FILIP1: variants seen among roughly 807,000 people sequenced by gnomAD.
The protein encoded by FILIP1 is filamin-A-interacting protein 1.
FILIP1 carries 61 observed loss-of-function variants against 102.1 expected under a neutral mutation model. The observed-to-expected ratio is 0.60, with a 90% CI of 0.49 to 0.74. The LOEUF is 0.74. Ranked by LOEUF, FILIP1 falls within the 30% of genes least tolerant of loss-of-function variation. The probability of loss-of-function intolerance (pLI) is 0.00; values close to 1 mark genes in which losing one functional copy is unlikely to be tolerated. For synonymous variants in FILIP1, 491 were observed against 526.9 expected, an observed-to-expected ratio of 0.93 and a Z score of 0.93; for missense variants, 1,314 against 1,441.2, an observed-to-expected ratio of 0.91 and a Z score of 1.43.
At chr6:75,307,033 C>T (rs1448428861), downstream of FILIP1, among the ~76,000 whole-genome samples, 1 of 152,134 alleles carries the variant, frequency 6.6e-6, no homozygotes, top group African/African-American at 2.4e-5. Flanking sequence ...GAACTCCTGG[C>T]CTCAAGTGAT....
At chr6:75,345,968 T>C (rs933413626) in intron 4 of FILIP1, among the ~76,000 whole-genome samples, 10 of 152,176 alleles carry the variant, frequency 6.6e-5, no homozygotes, top group Non-Finnish European at 1.3e-4. Flanking sequence ...CCAAAATATA[T>C]GGAATCTAAT....
At chr6:75,302,418 T>G (rs1772863274) in intron 6 of FILIP1, among the ~76,000 whole-genome samples, 1 of 152,154 alleles carries the variant, frequency 6.6e-6, no homozygotes. Flanking sequence ...AGCTTCTAGT[T>G]TTGTTTATCT....
Position 75,353,545 on chromosome 6 carries a change from C to T in FILIP1, c.623G>A (p.Arg208Gln), listed in dbSNP as rs748228535. 8.1e-6 allele frequency: 13 copies of T among 1,614,094 alleles called. No homozygotes were observed. Among genetic ancestry groups the T allele is most frequent in the East Asian group, 2.2e-5 (1 of 44,882 alleles). ...TGGTGTGTGTGCACATTACCTCTCC[C>T]GCTCCTGCTCCAGCAGGTTGGTGAA... ...DDFTNLLEQE[R>Q]ERLKKLLEQE... Residue 208 changes from arginine (R) to glutamine (Q), a missense_variant, in exon 4 of 6, where the codon CGG (arginine) becomes CAG (glutamine). Arg to Gln is a conservative substitution (Grantham distance 43). Transcript: ENST00000237172.
At chr6:75,422,467 T>C (rs1288301849) in intron 1 of FILIP1, among the ~76,000 whole-genome samples, 1 of 152,088 alleles carries the variant, frequency 6.6e-6, no homozygotes, top group Non-Finnish European at 1.5e-5. Flanking sequence ...GTCTGGAAAA[T>C]TACCAGACTC....
At chr6:75,410,469 T>C (rs1414819737) in intron 2 of FILIP1, among the ~76,000 whole-genome samples, 2 of 152,122 alleles carry the variant, frequency 1.3e-5, no homozygotes, top group African/African-American at 4.8e-5. Flanking sequence ...TACATAGGTA[T>C]ACATGTGCCA....
chr6:75,339,318 G>A (rs1774343449), intron 4 of FILIP1, among the ~76,000 whole-genome samples: 1 of 152,236 alleles, frequency 6.6e-6, no homozygotes, highest in East Asian at 1.9e-4. Context: ...ATTAATTAAT[G>A]CTTATTTATC....
chr6:75,338,621 A>G (rs1475018234), intron 4 of FILIP1, among the ~76,000 whole-genome samples: 1 of 152,208 alleles, frequency 6.6e-6, no homozygotes, highest in African/African-American at 2.4e-5. Context: ...TTTTTCCAGC[A>G]CTTTCCTTTC....
intron 1 of FILIP1, among the ~76,000 whole-genome samples, chr6:75,464,904 GA>G (rs1389963745): frequency 1.3e-5 from 2 of 151,974 alleles, no homozygotes; most frequent in Non-Finnish European, 2.9e-5. Flanking sequence ...AACCCATCCA[GA>G]AATTTTATAG....
rs774030831 is a variant in FILIP1, at chr6:75,312,414, G to A, written c.3418C>T (p.Arg1140Ter). ...TITPVTTSSARGTQSVSGQDG... is the reference protein window; with the variant it reads ...TITPVTTSSA ...CTACTCACCACTGACTGGGTTCCTC[G>A]AGCAGATGACGTTGTGACCGGTGTT... Residue 1140 changes from arginine (R) to a stop codon, truncating the protein, a stop_gained, in exon 5 of 6, where the codon CGA becomes TGA. Coordinates refer to ENST00000237172, the MANE Select transcript of FILIP1 (RefSeq NM_015687.5). LOFTEE classifies it high-confidence loss of function. 24 of 1,613,584 alleles carry A rather than the reference G, an allele frequency of 1.5e-5. No homozygotes were observed. Among genetic ancestry groups the A allele is most frequent in the South Asian group, 2.2e-5 (2 of 91,012 alleles).
intron 1 of FILIP1, among the ~76,000 whole-genome samples, chr6:75,433,095 G>C (rs1410248637): frequency 3.9e-5 from 6 of 152,170 alleles, no homozygotes; most frequent in African/African-American, 1.4e-4. Flanking sequence ...CATTTGGGTT[G>C]GTTCCAAGTC....
At chr6:75,392,037 T>C (rs922855230) in intron 2 of FILIP1, among the ~76,000 whole-genome samples, 1 of 152,160 alleles carries the variant, frequency 6.6e-6, no homozygotes, top group African/African-American at 2.4e-5. Flanking sequence ...TCTGACACTT[T>C]GGATCTTTCT....
chr6:75,363,126 C>A (rs1308461446), intron 2 of FILIP1: 51 of 419,770 alleles, frequency 1.2e-4, no homozygotes, highest in South Asian at 7.5e-4. Context: ...AGCAGGCAAG[C>A]AGAAAAAAGG....
chr6:75,331,604 C>T (rs1392791192), intron 4 of FILIP1, among the ~76,000 whole-genome samples: 1 of 152,100 alleles, frequency 6.6e-6, no homozygotes, highest in Non-Finnish European at 1.5e-5. Context: ...AGGGCTTTTG[C>T]AGTTGTCGGC....
intron 2 of FILIP1, among the ~76,000 whole-genome samples, chr6:75,403,013 C>T (rs1776708950): frequency 6.6e-6 from 1 of 152,102 alleles, no homozygotes; most frequent in Admixed American, 6.6e-5. Flanking sequence ...GTGAAAGATG[C>T]AGAAGACACA....
chr6:75,439,738 T>C (rs186755929), intron 1 of FILIP1, among the ~76,000 whole-genome samples: 1 of 152,364 alleles, frequency 6.6e-6, no homozygotes, highest in East Asian at 1.9e-4. Flanking sequence ...GGTCACTGGG[T>C]ATCCCTATCC....
intron 1 of FILIP1, among the ~76,000 whole-genome samples, chr6:75,419,688 C>A (rs1358991809): frequency 6.6e-6 from 1 of 152,128 alleles, no homozygotes; most frequent in African/African-American, 2.4e-5. Flanking sequence ...AAGAAAACAT[C>A]TGTTCTAGTT....
chr6:75,349,557 T>A (rs1774715388), intron 4 of FILIP1, among the ~76,000 whole-genome samples: 1 of 152,224 alleles, frequency 6.6e-6, no homozygotes, highest in Non-Finnish European at 1.5e-5. Flanking sequence ...TTGGCTGTGC[T>A]TTTTGCTCAC....
intron 2 of FILIP1, among the ~76,000 whole-genome samples, chr6:75,396,673 T>C (rs1476004086): frequency 1.3e-5 from 2 of 152,036 alleles, no homozygotes; most frequent in African/African-American, 2.4e-5. Context: ...CAAGAGGGAA[T>C]GGGATCTTAA....
intron 1 of FILIP1, among the ~76,000 whole-genome samples, chr6:75,472,934 C>T (rs753710683): frequency 3.9e-5 from 6 of 152,180 alleles, no homozygotes; most frequent in Non-Finnish European, 5.9e-5. Flanking sequence ...AGAAACAGCA[C>T]ATTTCGAAAT....
Sources: allele counts gnomAD v4.1 joint callset (sites outside exome capture counted in the v4.1 genomes callset), GRCh38; gene constraint gnomAD v4.1.1; transcripts MANE v1.5; gene names NCBI Gene and HGNC (gene_info 2026-07-23, HGNC 2026-07-21).